SERPINB10: variants seen among roughly 807,000 people sequenced by gnomAD.
SERPINB10 encodes serpin family B member 10.
Under a neutral mutation model 39.1 loss-of-function variants are expected in SERPINB10, and 35 were observed. The ratio of observed to expected loss-of-function variants is 0.90; its 90% confidence interval spans 0.68 to 1.19. The LOEUF (loss-of-function observed/expected upper bound fraction) is 1.19, where lower values mean the gene tolerates loss of function less well. SERPINB10 is among the 50% of genes most tolerant of loss of function. The pLI, the probability that SERPINB10 is intolerant of heterozygous loss-of-function variation, is 0.00. For missense variants in SERPINB10, 546 were observed against 460.5 expected (o/e 1.19, Z -1.70); for synonymous variants, 190 against 158.1 (o/e 1.20, Z -1.52).
intron 1 of SERPINB10, among the ~76,000 whole-genome samples, chr18:63,913,905 T>A (rs941379537): frequency 2.0e-5 from 3 of 152,104 alleles, no homozygotes; most frequent in Non-Finnish European, 2.9e-5. Context: ...TTTTGTAGGT[T>A]GAAGAGTACT....
At chr18:63,921,581 G>A (rs2050146982) in intron 5 of SERPINB10, among the ~76,000 whole-genome samples, 1 of 151,548 alleles carries the variant, frequency 6.6e-6, no homozygotes, top group South Asian at 2.1e-4. Context: ...GCAATAATTT[G>A]CCTCTAATCT....
chr18:63,928,033 T>A (rs542670089), intron 5 of SERPINB10, among the ~76,000 whole-genome samples: 1 of 152,172 alleles, frequency 6.6e-6, no homozygotes, highest in African/African-American at 2.4e-5. Flanking sequence ...CCACGGGAGG[T>A]AATCACTTGA....
At chr18:63,934,769 C>G (rs1170314961) in intron 7 of SERPINB10, 69 bp from the exon 8 acceptor site, 1 of 1,480,702 alleles carries the variant, frequency 6.8e-7, no homozygotes, top group Non-Finnish European at 9.1e-7. Context: ...CTAGGGTGCT[C>G]TCTCTACTAC....
chr18:63,929,064 C>T (rs2050200693), intron 5 of SERPINB10, among the ~76,000 whole-genome samples: 1 of 152,126 alleles, frequency 6.6e-6, no homozygotes, highest in Admixed American at 6.6e-5. Context: ...AACATATGAA[C>T]CATAGTATCT....
intron 2 of SERPINB10, among the ~76,000 whole-genome samples, chr18:63,917,158 TA>T (rs1366739867): frequency 6.6e-6 from 1 of 151,886 alleles, no homozygotes; most frequent in Admixed American, 6.6e-5. Context: ...CAACCATGAG[TA>T]AAAAGGAAAT....
intron 1 of SERPINB10, among the ~76,000 whole-genome samples, chr18:63,910,158 A>T (rs1292622885): frequency 6.6e-6 from 1 of 152,040 alleles, no homozygotes; most frequent in Non-Finnish European, 1.5e-5. Flanking sequence ...TTATTTGAGT[A>T]TAGAGAATTC....
chr18:63,911,243 T>A (rs9949197), intron 1 of SERPINB10, among the ~76,000 whole-genome samples: 8 of 152,042 alleles, frequency 5.3e-5, no homozygotes, highest in Admixed American at 4.6e-4. Context: ...GTCTGTTTAC[T>A]CTGTTGATAG....
intron 6 of SERPINB10, among the ~76,000 whole-genome samples, chr18:63,931,878 T>A (rs953803755): frequency 6.6e-6 from 1 of 152,208 alleles, no homozygotes; most frequent in African/African-American, 2.4e-5. Context: ...TTCCGAATAG[T>A]TTCACTGCCC....
At chr18:63,928,784 G>A (rs544038187) in intron 5 of SERPINB10, among the ~76,000 whole-genome samples, 2 of 150,360 alleles carry the variant, frequency 1.3e-5, no homozygotes, top group Non-Finnish European at 2.9e-5. Context: ...TGGATTCCTA[G>A]GTATTTTATT....
At chr18:63,923,049 C>T (rs2050157360) in intron 5 of SERPINB10, among the ~76,000 whole-genome samples, 1 of 151,878 alleles carries the variant, frequency 6.6e-6, no homozygotes, top group Non-Finnish European at 1.5e-5. Flanking sequence ...GACATCCACA[C>T]TTTAAAAAAT....
intron 5 of SERPINB10, 37 bp downstream of exon 5, chr18:63,919,942 C>T: frequency 8.0e-7 from 1 of 1,243,086 alleles, no homozygotes. Flanking sequence ...GCGTGCTTTT[C>T]CCAAACATCC....
chr18:63,933,008 G>T (rs377404582), intron 6 of SERPINB10, 40 bp from the exon 7 acceptor site: 273 of 1,579,248 alleles, frequency 1.7e-4, no homozygotes, highest in Non-Finnish European at 2.2e-4. Flanking sequence ...CTTCTTCAAT[G>T]ACCTTGTTAC....
At chr18:63,912,751 T>C (rs1025834264) in intron 1 of SERPINB10, among the ~76,000 whole-genome samples, 1 of 152,060 alleles carries the variant, frequency 6.6e-6, no homozygotes, top group African/African-American at 2.4e-5. Flanking sequence ...TCTTCTATTG[T>C]GTTTTTTCCA....
At chr18:63,918,148 A>C in intron 4 of SERPINB10, 46 bp downstream of exon 4, 2 of 1,590,888 alleles carry the variant, frequency 1.3e-6, no homozygotes, top group Non-Finnish European at 1.7e-6. Context: ...AGAAAGAGCA[A>C]TGTGAGACCA....
intron 5 of SERPINB10, among the ~76,000 whole-genome samples, chr18:63,925,936 A>G (rs1162891052): frequency 6.6e-6 from 1 of 152,052 alleles, no homozygotes; most frequent in Non-Finnish European, 1.5e-5. Flanking sequence ...TAATAGCACC[A>G]GTAATAGGAC....
In SERPINB10 at chr18:63,911,229, A is replaced by T. The variant is rs966220437; in HGVS notation, c.-10+3189A>T. Among the ~76,000 whole-genome samples, 3 of 151,996 alleles carry T rather than the reference A, an allele frequency of 2.0e-5. No homozygotes were observed. The South Asian group carries it at 6.2e-4, about 31-fold the overall frequency. On this transcript the variant is annotated intron_variant, in intron 1 of 7. Coordinates refer to ENST00000238508, the MANE Select transcript of SERPINB10 (RefSeq NM_005024.3). The stretch of plus-strand genomic sequence containing the variant: ...TTGCAAATATTTTCTTCCATTCTGT[A>T]GTTGTCTGTTTACTCTGTTGATAGT...
intron 2 of SERPINB10, among the ~76,000 whole-genome samples, chr18:63,916,614 A>C (rs2144722928): frequency 6.6e-6 from 1 of 152,246 alleles, no homozygotes; most frequent in East Asian, 1.9e-4. Context: ...CTTGTTAATG[A>C]CAGGTTCATT....
intron 5 of SERPINB10, among the ~76,000 whole-genome samples, chr18:63,926,395 A>T (rs2050182072): frequency 6.6e-6 from 1 of 151,994 alleles, no homozygotes; most frequent in Non-Finnish European, 1.5e-5. Flanking sequence ...TCTTAATCCA[A>T]TATGACATCA....
intron 5 of SERPINB10, among the ~76,000 whole-genome samples, chr18:63,923,223 G>A (rs909832292): frequency 2.0e-5 from 3 of 151,932 alleles, no homozygotes; most frequent in Non-Finnish European, 4.4e-5. Flanking sequence ...GTCTAGAGAG[G>A]GAGAAAGCTG....
Sources: gnomAD v4.1 joint callset for allele counts (sites outside exome capture counted in the v4.1 genomes callset) on GRCh38, gnomAD v4.1.1 for gene constraint, MANE v1.5 for transcripts, NCBI Gene and HGNC (gene_info 2026-07-23, HGNC 2026-07-21) for gene names.